ATXN2: variants seen among roughly 807,000 people sequenced by gnomAD.
ATXN2 encodes the protein ataxin-2.
In ATXN2, 37 loss-of-function variants were observed where a neutral mutation model predicts 138.6. That is an observed-to-expected ratio of 0.27 (90% CI 0.21 to 0.35). The LOEUF (loss-of-function observed/expected upper bound fraction) is 0.35, where lower values mean the gene tolerates loss of function less well. Ranked by LOEUF, ATXN2 falls within the 10% of genes least tolerant of loss-of-function variation. The pLI, the probability that ATXN2 is intolerant of heterozygous loss-of-function variation, is 1.00. For missense variants in ATXN2, 1,216 were observed against 1,480.3 expected (o/e 0.82, Z 2.93); for synonymous variants, 549 against 543.7 (o/e 1.01, Z -0.13).
intron 14 of ATXN2, among the ~76,000 whole-genome samples, chr12:111,496,570 C>T (rs1035968403): frequency 6.6e-6 from 1 of 151,680 alleles, no homozygotes; most frequent in East Asian, 1.9e-4. Context: ...TAAAATAACA[C>T]TAGATAACAA....
In ATXN2 at chr12:111,552,507, G is replaced by A. The variant is rs1592893680; in HGVS notation, c.421-77C>T. 6.8e-6 allele frequency: 10 copies of A among 1,464,292 alleles called. No homozygotes were observed. In the East Asian group the frequency reaches 1.9e-4, roughly 28 times the overall value. 90.7% of individuals were successfully genotyped at this position (1,464,292 alleles called of 1,614,324 possible). Reference sequence around the variant, plus strand: ...GTTAGGAATTCTTTAGCTCATCAAGGTACCAGTTCTTATATGCCTTTGACA... The same window carrying A: ...GTTAGGAATTCTTTAGCTCATCAAGATACCAGTTCTTATATGCCTTTGACA... On this transcript the variant is annotated intron_variant, in intron 4 of 24. Coordinates refer to ENST00000673436, the MANE Select transcript of ATXN2 (RefSeq NM_001372574.1). The surrounding 1 kb of genome is among the most constrained non-coding windows in gnomAD (Gnocchi z 4.1).
intron 18 of ATXN2, among the ~76,000 whole-genome samples, chr12:111,473,404 T>G (rs956030701): frequency 6.6e-5 from 10 of 152,144 alleles, no homozygotes; most frequent in African/African-American, 2.2e-4. Context: ...AAGACTGCCT[T>G]AAAAAGGGAA....
intron 1 of ATXN2, among the ~76,000 whole-genome samples, chr12:111,580,634 T>G (rs975175348): frequency 8.5e-6 from 1 of 116,990 alleles, no homozygotes; most frequent in Non-Finnish European, 1.6e-5. Flanking sequence ...AGACCCTGTC[T>G]CTTAGGAACA....
chr12:111,543,227 C>G (rs1288363069), intron 5 of ATXN2, among the ~76,000 whole-genome samples: 1 of 152,160 alleles, frequency 6.6e-6, no homozygotes, highest in Non-Finnish European at 1.5e-5. Flanking sequence ...AGGCCGTAAA[C>G]AGCTTTTCTA....
chr12:111,579,723 G>C (rs568493223), intron 1 of ATXN2, among the ~76,000 whole-genome samples: 154 of 139,778 alleles, frequency 1.1e-3, no homozygotes, highest in African/African-American at 4.0e-3. Context: ...TTTGAGATAA[G>C]AGTCTCACTA....
intron 1 of ATXN2, chr12:111,565,007 G>GC (rs1882912701): frequency 6.6e-6 from 1 of 152,118 alleles, no homozygotes; most frequent in African/African-American, 2.4e-5. Flanking sequence ...ACAGGCATAA[G>GC]ACACCATGCC....
In ATXN2 at chr12:111,452,388, G is replaced by T. The variant is rs1874713933; in HGVS notation, c.*424C>A. The T allele has an allele frequency of 6.5e-6, 1 of 153,562 alleles. No homozygotes were observed. Among genetic ancestry groups the T allele is most frequent in the Non-Finnish European group, 1.4e-5 (1 of 70,216 alleles). 9.5% of individuals were successfully genotyped at this position (153,562 alleles called of 1,614,324 possible). A position where few individuals can be genotyped will look rare whatever the true frequency, so the allele number is the denominator to read the frequency against. ...GTCAGTTTGACGGTAAGAATTTACT[G>T]AAACTTTGTCAAGTTTAGTAAAAGG... On this transcript the variant is annotated 3_prime_UTR_variant, in exon 25 of 25. Transcript: ENST00000673436.
rs370328558 is a variant in ATXN2, at chr12:111,565,471, T to A, written c.252-9552A>T. Reference sequence around the variant, plus strand: ...ATTGTAAATAATAAAGAAAAGATTGTATTTTACAATTGTAAATAATAATTT... The same window carrying A: ...ATTGTAAATAATAAAGAAAAGATTGAATTTTACAATTGTAAATAATAATTT... On this transcript the variant is annotated intron_variant, in intron 1 of 24. Transcript: ENST00000673436. Among the ~76,000 whole-genome samples the A allele has an allele frequency of 3.9e-5, 6 of 152,226 alleles. No individual in the cohort carries two copies. The East Asian group carries it at 7.7e-4, about 20-fold the overall frequency.
chr12:111,503,585 CAT>C (rs1427096929), intron 14 of ATXN2, among the ~76,000 whole-genome samples: 2 of 151,442 alleles, frequency 1.3e-5, no homozygotes, highest in African/African-American at 2.4e-5. Flanking sequence ...TTCTGGGACA[CAT>C]ATTTTTTTTT....
chr12:111,453,968 T>A lies in ATXN2; in HGVS notation c.3271-123A>T. Reference sequence around the variant, plus strand: ...GGCAACGGTGGGCCTCAGGGCCCAGTTCTGTTCTCTGGGGACAATCTCTAG... The same window carrying A: ...GGCAACGGTGGGCCTCAGGGCCCAGATCTGTTCTCTGGGGACAATCTCTAG... On this transcript the variant is annotated intron_variant, in intron 23 of 24. Transcript: ENST00000673436. This position sits in a 1 kb window ranked among gnomAD's most constrained non-coding sequence, Gnocchi z 5.4. The A allele has an allele frequency of 2.2e-6, 2 of 920,198 alleles. No homozygotes were observed. The highest frequency in any genetic ancestry group is 3.2e-6 in the Non-Finnish European group (2 of 619,656). 57.0% of individuals were successfully genotyped at this position (920,198 alleles called of 1,614,324 possible).
At chr12:111,529,319 G>A (rs1035598023) in intron 5 of ATXN2, among the ~76,000 whole-genome samples, 1 of 151,670 alleles carries the variant, frequency 6.6e-6, no homozygotes, top group Non-Finnish European at 1.5e-5. Context: ...CAAAAGCATT[G>A]TAACAACAAG....
In ATXN2 at chr12:111,598,829, G is replaced by A. The variant is rs1423840194; in HGVS notation, c.206C>T (p.Ser69Leu). The change falls in exon 1 of 25, where the codon TCG (serine) becomes TTG (leucine). Residue 69 changes from serine to leucine, a missense_variant. By Grantham distance (145) the Ser-to-Leu change is moderately radical (BLOSUM62 -2). Around this residue, in one of 4 missense-constraint regions of ATXN2, gnomAD observed 110 missense variants for 88.7 expected, o/e 1.24. Coordinates refer to ENST00000673436, the MANE Select transcript of ATXN2 (RefSeq NM_001372574.1). This position sits in a 1 kb window ranked among gnomAD's most constrained non-coding sequence, Gnocchi z 4.5. ...GCCGCCGGAGGTCGCCGCGACCACC[G>A]AGGAGGGAGCCGTGGCCGAGGACGA... ...VSSSSATAPS[S>L]VVAATSGGGR... 1.4e-6 allele frequency: 2 copies of A among 1,453,670 alleles called. No homozygotes were observed. Among genetic ancestry groups the A allele is most frequent in the Non-Finnish European group, 1.8e-6 (2 of 1,109,552 alleles). 90.0% of individuals were successfully genotyped at this position (1,453,670 alleles called of 1,614,324 possible). A position where few individuals can be genotyped will look rare whatever the true frequency, so the allele number is the denominator to read the frequency against.
At chr12:111,538,730 A>G (rs1282780048) in intron 5 of ATXN2, among the ~76,000 whole-genome samples, 1 of 150,380 alleles carries the variant, frequency 6.6e-6, no homozygotes, top group Non-Finnish European at 1.5e-5. Context: ...AATTGTTTAG[A>G]AATGGTATCA....
At chr12:111,470,896 T>C in intron 18 of ATXN2, 154 bp from the exon 19 acceptor site, 1 of 754,232 alleles carries the variant, frequency 1.3e-6, no homozygotes, top group Non-Finnish European at 2.2e-6. Flanking sequence ...CTGGGTTATT[T>C]TCCTATCATG....
intron 7 of ATXN2, 39 bp downstream of exon 7, chr12:111,520,843 A>G (rs751704251): frequency 8.6e-7 from 1 of 1,161,824 alleles, no homozygotes; most frequent in Admixed American, 2.3e-5. Context: ...AAAATCAAAG[A>G]CAAATGCACT....
At position 111,584,645 on chromosome 12, in the gene ATXN2, C is replaced by T. The variant is rs1038358869; in HGVS notation, c.251+14139G>A. On this transcript the variant is annotated intron_variant, in intron 1 of 24. Transcript: ENST00000673436. ...AAGAGATCAAGACTATCCTGGCCAACATGGTGAAACCCCATCTCTACTAAA... is the reference window on the plus strand; with the variant it reads ...AAGAGATCAAGACTATCCTGGCCAATATGGTGAAACCCCATCTCTACTAAA... Among the ~76,000 whole-genome samples, 7 of 152,082 alleles carry T rather than the reference C, an allele frequency of 4.6e-5. 1 individual carries two copies. The highest frequency in any genetic ancestry group is 2.1e-4 in the South Asian group (1 of 4,820).
chr12:111,532,825 T>A (rs1880909594), intron 5 of ATXN2, among the ~76,000 whole-genome samples: 1 of 145,304 alleles, frequency 6.9e-6, no homozygotes, highest in African/African-American at 2.6e-5. Flanking sequence ...GAAGGAGTGG[T>A]CATCAAGGCT....
chr12:111,558,410 T>C (rs966725943), intron 1 of ATXN2, among the ~76,000 whole-genome samples: 1 of 152,160 alleles, frequency 6.6e-6, no homozygotes, highest in African/African-American at 2.4e-5. Flanking sequence ...ATAGATCAGG[T>C]TTAACAAAAC....
At chr12:111,566,141 TAAG>T (rs1382741002) in intron 1 of ATXN2, among the ~76,000 whole-genome samples, 3 of 152,068 alleles carry the variant, frequency 2.0e-5, no homozygotes, top group Non-Finnish European at 4.4e-5. Context: ...CCATTTTATT[TAAG>T]AAATACGGCC....
Sources: gnomAD v4.1 joint callset for allele counts (sites outside exome capture counted in the v4.1 genomes callset) on GRCh38, gnomAD v4.1.1 for gene constraint, gnomAD v4.1.1 regional missense constraint, Gnocchi (gnomAD v3.1) non-coding constraint, MANE v1.5 for transcripts, NCBI Gene and HGNC (gene_info 2026-07-23, HGNC 2026-07-21) for gene names.